SLAIN2: variants seen among roughly 807,000 people sequenced by gnomAD.
SLAIN2 encodes SLAIN family member 2.
SLAIN2 carries 31 observed loss-of-function variants against 56.6 expected under a neutral mutation model. The ratio of observed to expected loss-of-function variants is 0.55; its 90% confidence interval spans 0.41 to 0.74. SLAIN2 has a LOEUF of 0.74. Ranked by LOEUF, SLAIN2 falls within the 30% of genes least tolerant of loss-of-function variation. The pLI, the probability that SLAIN2 is intolerant of heterozygous loss-of-function variation, is 0.00. For missense variants in SLAIN2, 777 were observed against 754.2 expected (o/e 1.03, Z -0.35); for synonymous variants, 317 against 284.9 (o/e 1.11, Z -1.13).
rs1178806992 is a variant in SLAIN2, at chr4:48,423,892, G to A, written c.*1815G>A. 1.3e-5 allele frequency: 2 copies of A among 151,890 alleles called. No homozygotes were observed. Among genetic ancestry groups the A allele is most frequent in the East Asian group, 3.9e-4 (2 of 5,186 alleles). 9.4% of individuals were successfully genotyped at this position (151,890 alleles called of 1,614,324 possible). A position where few individuals can be genotyped will look rare whatever the true frequency, so the allele number is the denominator to read the frequency against. ...ATAAAGCATCTTCTTTTGGGAGGGG[G>A]GTATCTCATGTCTAAGTAAGTAAAA... On this transcript the variant is annotated 3_prime_UTR_variant, in exon 8 of 8. Transcript: ENST00000264313.
intron 2 of SLAIN2, among the ~76,000 whole-genome samples, chr4:48,377,170 A>C (rs1443557298): frequency 2.0e-5 from 3 of 150,986 alleles, no homozygotes; most frequent in African/African-American, 7.3e-5. Context: ...GTGAGACCAC[A>C]TCTCTACAAA....
chr4:48,399,237 T>G lies in SLAIN2; in HGVS notation c.1360+15453T>G, dbSNP rs1716486517. ...TCTTTCATTTCCCTTGTTAGCTGTA[T>G]TCCTAGGTATTTTATTCTTTTTGTA... On this transcript the variant is annotated intron_variant, in intron 6 of 7. Transcript: ENST00000264313. 2.6e-5 allele frequency among the ~76,000 whole-genome samples: 4 copies of G among 152,322 alleles called. No individual in the cohort carries two copies. In the South Asian group the frequency reaches 6.2e-4, roughly 24 times the overall value.
intron 6 of SLAIN2, among the ~76,000 whole-genome samples, chr4:48,396,930 G>A (rs1191565263): frequency 6.6e-6 from 1 of 152,192 alleles, no homozygotes; most frequent in East Asian, 1.9e-4. Context: ...ATATAGTCAT[G>A]CTACTAAAGT....
At position 48,377,886 on chromosome 4, in the gene SLAIN2, A is replaced by G. The variant is rs138884513; in HGVS notation, c.539-10A>G. On this transcript the variant is annotated splice_polypyrimidine_tract_variant and intron_variant, in intron 2 of 7. Transcript: ENST00000264313. ...TGTTAAATTTGATTTTCCCCTTCTCATTAATGCAGCTCTCAAGAGGCAGAA... is the reference window on the plus strand; with the variant it reads ...TGTTAAATTTGATTTTCCCCTTCTCGTTAATGCAGCTCTCAAGAGGCAGAA... The G allele has an allele frequency of 4.3e-6, 7 of 1,609,992 alleles. No individual in the cohort carries two copies. The highest frequency in any genetic ancestry group is 5.1e-6 in the Non-Finnish European group (6 of 1,178,848).
intron 1 of SLAIN2, among the ~76,000 whole-genome samples, chr4:48,356,805 G>T (rs555091400): frequency 6.6e-6 from 1 of 151,990 alleles, no homozygotes; most frequent in African/African-American, 2.4e-5. Flanking sequence ...TGCCATACTG[G>T]AATGGGAATA....
chr4:48,384,036 A>T lies in SLAIN2; in HGVS notation c.1360+252A>T, dbSNP rs576204551. ...AAAACTCTGGTCTCTCCAGAATTTTAAAATAAGCAAAATGTAACTATTAAA... is the reference window on the plus strand; with the variant it reads ...AAAACTCTGGTCTCTCCAGAATTTTTAAATAAGCAAAATGTAACTATTAAA... On this transcript the variant is annotated intron_variant, in intron 6 of 7. Transcript: ENST00000264313. Among the ~76,000 whole-genome samples, 22 of 152,356 alleles carry T rather than the reference A, an allele frequency of 1.4e-4. 1 individual carries two copies. The South Asian group carries it at 4.6e-3, about 32-fold the overall frequency.
At chr4:48,358,322 G>A (rs1261567500) in intron 1 of SLAIN2, among the ~76,000 whole-genome samples, 8 of 140,758 alleles carry the variant, frequency 5.7e-5, no homozygotes, top group Admixed American at 4.3e-4. Flanking sequence ...GACTAACAAA[G>A]CTTTTTTTTT....
intron 6 of SLAIN2, 36 bp from the exon 7 acceptor site, chr4:48,420,089 C>T: frequency 6.3e-7 from 1 of 1,599,354 alleles, no homozygotes; most frequent in Non-Finnish European, 8.6e-7. Context: ...ATACAGATTT[C>T]CACTCAAAAA....
At chr4:48,406,023 G>A (rs994583315) in intron 6 of SLAIN2, among the ~76,000 whole-genome samples, 1 of 152,106 alleles carries the variant, frequency 6.6e-6, no homozygotes, top group Non-Finnish European at 1.5e-5. Flanking sequence ...TTTGCTGGAA[G>A]CCTCTACAAG....
intron 6 of SLAIN2, among the ~76,000 whole-genome samples, chr4:48,392,307 G>A (rs79693945): frequency 0.012 from 1,876 of 152,252 alleles, 10 homozygotes; most frequent in East Asian, 0.018. Context: ...TTGCTTGTCT[G>A]TAGATAACTG....
At chr4:48,398,914 G>C (rs1361227732) in intron 6 of SLAIN2, among the ~76,000 whole-genome samples, 1 of 152,196 alleles carries the variant, frequency 6.6e-6, no homozygotes, top group Non-Finnish European at 1.5e-5. Flanking sequence ...AGTATAGTTT[G>C]AAGTCAGGTA....
intron 1 of SLAIN2, among the ~76,000 whole-genome samples, chr4:48,355,009 C>T (rs1316075254): frequency 6.6e-6 from 1 of 152,048 alleles, no homozygotes; most frequent in Admixed American, 6.6e-5. Flanking sequence ...AAGCGATTCT[C>T]CTGCAGGGAT....
intron 6 of SLAIN2, among the ~76,000 whole-genome samples, chr4:48,393,057 G>C (rs914795532): frequency 6.6e-6 from 1 of 151,866 alleles, no homozygotes; most frequent in Non-Finnish European, 1.5e-5. Context: ...ATAGTAACCT[G>C]TATTTTTGTG....
At chr4:48,421,775 T>C (rs1300304586) in intron 7 of SLAIN2, among the ~76,000 whole-genome samples, 1 of 151,354 alleles carries the variant, frequency 6.6e-6, no homozygotes, top group African/African-American at 2.4e-5. Context: ...CTTTCTTTTA[T>C]CTAGTAGCTA....
intron 6 of SLAIN2, among the ~76,000 whole-genome samples, chr4:48,410,335 C>T (rs1366858638): frequency 6.6e-6 from 1 of 150,724 alleles, no homozygotes; most frequent in Non-Finnish European, 1.5e-5. Context: ...GGATTCAAGT[C>T]CCATATCAGA....
At chr4:48,362,750 C>CTT (rs66847310) in intron 1 of SLAIN2, among the ~76,000 whole-genome samples, 68 of 93,254 alleles carry the variant, frequency 7.3e-4, no homozygotes, top group African/African-American at 2.6e-3. Flanking sequence ...TTTTTTTATT[C>CTT]TTTTTTTTTT....
intron 6 of SLAIN2, among the ~76,000 whole-genome samples, chr4:48,402,200 ATTT>A (rs34736334): frequency 6.9e-6 from 1 of 144,846 alleles, no homozygotes; most frequent in African/African-American, 2.6e-5. Flanking sequence ...GCTGCCCTTA[ATTT>A]TTTTTTTTTT....
At chr4:48,383,031 G>C in intron 5 of SLAIN2, 104 bp downstream of exon 5, 1 of 1,204,538 alleles carries the variant, frequency 8.3e-7, no homozygotes, top group South Asian at 1.6e-5. Flanking sequence ...AGCTGGGCAT[G>C]GTGGTGCACA....
intron 6 of SLAIN2, among the ~76,000 whole-genome samples, chr4:48,407,526 A>G (rs1275982089): frequency 1.5e-4 from 23 of 152,092 alleles, no homozygotes; most frequent in Admixed American, 7.9e-4. Flanking sequence ...TAATAACTTT[A>G]TGTGTGATTT....
Sources: allele counts gnomAD v4.1 joint callset (sites outside exome capture counted in the v4.1 genomes callset), GRCh38; gene constraint gnomAD v4.1.1; transcripts MANE v1.5; gene names NCBI Gene and HGNC (gene_info 2026-07-23, HGNC 2026-07-21).